Variants in CDYL2 observed in about 807,000 individuals in gnomAD.
CDYL2 encodes the protein chromodomain Y like 2, also known as chromodomain Y-like protein 2.
A neutral mutation model predicts 49.4 loss-of-function variants in CDYL2; 23 were observed. That is an observed-to-expected ratio of 0.47 (90% CI 0.34 to 0.66). The LOEUF (loss-of-function observed/expected upper bound fraction) is 0.66, where lower values mean the gene tolerates loss of function less well. Ranked by LOEUF, CDYL2 falls within the 30% of genes least tolerant of loss-of-function variation. The pLI is 0.01. For missense variants in CDYL2, 678 were observed against 656.4 expected (o/e 1.03, Z -0.36); for synonymous variants, 360 against 268.8 (o/e 1.34, Z -3.32).
intron 2 of CDYL2, among the ~76,000 whole-genome samples, chr16:80,669,916 C>A (rs1909429760): frequency 6.6e-6 from 1 of 152,194 alleles, no homozygotes. Context: ...CCCAGCCAGA[C>A]ACATGCTCTG....
Position 80,685,317 on chromosome 16 carries a change from G to C in CDYL2, c.25-188C>G, listed in dbSNP as rs113601938. 6.6e-5 allele frequency among the ~76,000 whole-genome samples: 10 copies of C among 152,276 alleles called. No individual in the cohort carries two copies. The South Asian group carries it at 1.5e-3, about 22-fold the overall frequency. ...GTTCAAGAAGGCTGGTTTATTTTACGACATCACTGGATGGAACCTAAGGCA... is the reference window on the plus strand; with the variant it reads ...GTTCAAGAAGGCTGGTTTATTTTACCACATCACTGGATGGAACCTAAGGCA... On this transcript the variant is annotated intron_variant, in intron 1 of 6. Transcript: ENST00000570137.
At chr16:80,714,883 G>A (rs1272220880) in intron 1 of CDYL2, among the ~76,000 whole-genome samples, 2 of 152,102 alleles carry the variant, frequency 1.3e-5, no homozygotes, top group Non-Finnish European at 2.9e-5. Context: ...TCCTTTAGTG[G>A]CCAGGCAGAT....
At chr16:80,798,082 C>G (rs1481414777) in intron 1 of CDYL2, among the ~76,000 whole-genome samples, 1 of 152,084 alleles carries the variant, frequency 6.6e-6, no homozygotes, top group Non-Finnish European at 1.5e-5. Flanking sequence ...ACTCTGTCAC[C>G]CAGGCTGGAG....
chr16:80,689,645 C>T (rs181825339), intron 1 of CDYL2, among the ~76,000 whole-genome samples: 2 of 152,152 alleles, frequency 1.3e-5, no homozygotes, highest in African/African-American at 2.4e-5. Context: ...ACAAGAGGAA[C>T]GGATACTGAG....
intron 1 of CDYL2, chr16:80,736,607 A>C (rs1447085846): frequency 6.6e-6 from 1 of 152,220 alleles, no homozygotes; most frequent in Non-Finnish European, 1.5e-5. Context: ...GTCTGAGTTC[A>C]AAAAGTAATC....
intron 2 of CDYL2, among the ~76,000 whole-genome samples, chr16:80,676,734 T>C (rs1019794331): frequency 5.3e-5 from 8 of 152,172 alleles, no homozygotes; most frequent in Non-Finnish European, 7.3e-5. Flanking sequence ...CCTCCTCTCT[T>C]TGTCTGGTTT....
chr16:80,791,936 C>A (rs1289838023), intron 1 of CDYL2, among the ~76,000 whole-genome samples: 1 of 152,114 alleles, frequency 6.6e-6, no homozygotes, highest in Non-Finnish European at 1.5e-5. Flanking sequence ...TAGAAAGACC[C>A]AAGCAATGGC....
intron 6 of CDYL2, among the ~76,000 whole-genome samples, chr16:80,604,783 C>T (rs373546147): frequency 6.6e-6 from 1 of 152,190 alleles, no homozygotes; most frequent in African/African-American, 2.4e-5. Flanking sequence ...CATGTCACCC[C>T]AGACCACTAG....
At position 80,600,742 on chromosome 16, in the gene CDYL2, A is replaced by G. The variant is rs1340910287; in HGVS notation, c.*3646T>C. ...TCTCTCTGTTAAAAAATTTCCACAG[A>G]AACTAGATTGGAAAATTTAATGGAT... On this transcript the variant is annotated 3_prime_UTR_variant, in exon 7 of 7. Transcript: ENST00000570137. 2 of 152,158 alleles carry G rather than the reference A, an allele frequency of 1.3e-5. No individual in the cohort carries two copies. The highest frequency in any genetic ancestry group is 2.9e-5 in the Non-Finnish European group (2 of 68,036). The allele number at this position is 152,158 out of a possible 1,614,324, so 9.4% of individuals were successfully genotyped here. A position where few individuals can be genotyped will look rare whatever the true frequency, so the allele number is the denominator to read the frequency against.
intron 5 of CDYL2, among the ~76,000 whole-genome samples, chr16:80,609,567 C>G (rs892562802): frequency 5.3e-5 from 8 of 152,196 alleles, no homozygotes; most frequent in African/African-American, 1.9e-4. Flanking sequence ...CTGAAGAACA[C>G]CTCAGTCAAA....
At chr16:80,671,226 G>C (rs1159460731) in intron 2 of CDYL2, among the ~76,000 whole-genome samples, 1 of 152,216 alleles carries the variant, frequency 6.6e-6, no homozygotes, top group African/African-American at 2.4e-5. Flanking sequence ...ATGTCTATCA[G>C]CCGAGCTGCC....
intron 1 of CDYL2, among the ~76,000 whole-genome samples, chr16:80,749,040 C>A (rs1195511817): frequency 1.3e-5 from 2 of 151,956 alleles, no homozygotes; most frequent in African/African-American, 2.4e-5. Flanking sequence ...TGGATATACA[C>A]TGTGGTTCTA....
At chr16:80,730,323 C>A (rs1486870842) in intron 1 of CDYL2, among the ~76,000 whole-genome samples, 7 of 152,072 alleles carry the variant, frequency 4.6e-5, no homozygotes, top group Middle Eastern at 3.4e-3. Context: ...GCTACAAACA[C>A]CTCTACGCAA....
At chr16:80,784,304 C>T (rs1907363227) in intron 1 of CDYL2, among the ~76,000 whole-genome samples, 1 of 152,052 alleles carries the variant, frequency 6.6e-6, no homozygotes, top group Admixed American at 6.6e-5. Flanking sequence ...TATGAATGTT[C>T]CTCTGAGTAC....
At chr16:80,609,719 G>A (rs1014667319) in intron 5 of CDYL2, among the ~76,000 whole-genome samples, 3 of 152,100 alleles carry the variant, frequency 2.0e-5, no homozygotes, top group African/African-American at 7.2e-5. Flanking sequence ...AAGGCTCCTG[G>A]CCACCCCTCA....
intron 3 of CDYL2, among the ~76,000 whole-genome samples, chr16:80,630,423 T>C (rs1401384733): frequency 4.6e-5 from 7 of 152,204 alleles, no homozygotes; most frequent in African/African-American, 1.7e-4. Context: ...TGAAAGAAAA[T>C]GCTGTGCCTT....
At chr16:80,726,648 A>G (rs1433582313) in intron 1 of CDYL2, among the ~76,000 whole-genome samples, 1 of 151,986 alleles carries the variant, frequency 6.6e-6, no homozygotes, top group African/African-American at 2.4e-5. Context: ...TTCTAATATC[A>G]TTCTCCAATA....
intron 2 of CDYL2, among the ~76,000 whole-genome samples, chr16:80,642,067 C>T (rs1035868847): frequency 6.6e-6 from 1 of 152,084 alleles, no homozygotes. Context: ...ATAATAACTA[C>T]AACAACTCTT....
chr16:80,736,523 T>C (rs1006131559), intron 1 of CDYL2: 3 of 152,326 alleles, frequency 2.0e-5, no homozygotes, highest in East Asian at 3.9e-4. Flanking sequence ...CAGGTAAACA[T>C]GAACTTGTAT....
Sources: allele counts gnomAD v4.1 joint callset (sites outside exome capture counted in the v4.1 genomes callset), GRCh38; gene constraint gnomAD v4.1.1; transcripts MANE v1.5; gene names NCBI Gene and HGNC (gene_info 2026-07-23, HGNC 2026-07-21).